CADM2: variants seen among roughly 807,000 people sequenced by gnomAD.
CADM2 encodes the protein cell adhesion molecule 2.
CADM2 carries 12 observed loss-of-function variants against 49.8 expected under a neutral mutation model. That is an observed-to-expected ratio of 0.24 (90% CI 0.15 to 0.39). The LOEUF (loss-of-function observed/expected upper bound fraction) is 0.39, where lower values mean the gene tolerates loss of function less well. Among genes scored for constraint, CADM2 ranks in the 10% least tolerant of loss-of-function variants. The pLI is 1.00. For synonymous variants in CADM2, 214 were observed against 175.4 expected, an observed-to-expected ratio of 1.22 and a Z score of -1.74; for missense variants, 378 against 492.3, an observed-to-expected ratio of 0.77 and a Z score of 2.20.
chr3:85,580,326 T>G (rs950291975), intron 1 of CADM2, among the ~76,000 whole-genome samples: 1 of 152,018 alleles, frequency 6.6e-6, no homozygotes, highest in African/African-American at 2.4e-5. Context: ...TTGTTCCATT[T>G]AAGAAAAAAA....
intron 1 of CADM2, among the ~76,000 whole-genome samples, chr3:85,206,441 G>A (rs2041637998): frequency 2.0e-5 from 3 of 151,536 alleles, no homozygotes; most frequent in South Asian, 4.2e-4. Flanking sequence ...CCGAGTAGCT[G>A]GGACTACAGG....
intron 1 of CADM2, among the ~76,000 whole-genome samples, chr3:85,128,231 T>G (rs146287426): frequency 7.2e-5 from 11 of 152,314 alleles, no homozygotes; most frequent in Non-Finnish European, 1.5e-4. Flanking sequence ...TAAGACGCTT[T>G]TTAAGAGTTC....
At chr3:85,341,527 A>C (rs902561783) in intron 1 of CADM2, among the ~76,000 whole-genome samples, 21 of 152,114 alleles carry the variant, frequency 1.4e-4, no homozygotes, top group African/African-American at 4.6e-4. Context: ...ACATATAGTT[A>C]AAATGAGTTA....
chr3:85,164,788 T>C (rs1206697239), intron 1 of CADM2, among the ~76,000 whole-genome samples: 2 of 152,084 alleles, frequency 1.3e-5, no homozygotes, highest in African/African-American at 4.8e-5. Context: ...ACATTATTAT[T>C]TTTGTAGAAG....
At position 85,060,244 on chromosome 3, in the gene CADM2, C is replaced by T. The variant is rs1319954283; in HGVS notation, c.61+100576C>T. Among the ~76,000 whole-genome samples the T allele has an allele frequency of 2.0e-5, 3 of 152,110 alleles. No homozygotes were observed. In the East Asian group the frequency reaches 5.8e-4, roughly 29 times the overall value. On this transcript the variant is annotated intron_variant, in intron 1 of 9. Coordinates refer to ENST00000383699, the MANE Select transcript of CADM2 (RefSeq NM_001167675.2). ...CTGCCAGGTTCAAGTGATTCTCCTG[C>T]CTAAGCCTCCTAAGTGGGATTACAG...
At chr3:85,767,597 T>C (rs1283496859) in intron 2 of CADM2, among the ~76,000 whole-genome samples, 1 of 152,180 alleles carries the variant, frequency 6.6e-6, no homozygotes, top group East Asian at 1.9e-4. Flanking sequence ...CAGTCTGCTG[T>C]GCAGTAGATG....
chr3:85,931,363 A>C (rs1248069525), intron 6 of CADM2, among the ~76,000 whole-genome samples: 1 of 152,134 alleles, frequency 6.6e-6, no homozygotes, highest in Non-Finnish European at 1.5e-5. Context: ...CGATCATGTG[A>C]GCCCAGGAGG....
intron 1 of CADM2, among the ~76,000 whole-genome samples, chr3:85,325,090 G>T (rs1383682383): frequency 6.6e-6 from 1 of 152,200 alleles, no homozygotes; most frequent in African/African-American, 2.4e-5. Context: ...TGTTCCACAT[G>T]AAATGGTAAA....
intron 1 of CADM2, among the ~76,000 whole-genome samples, chr3:85,656,207 T>G (rs980861728): frequency 1.3e-5 from 2 of 152,112 alleles, no homozygotes; most frequent in Admixed American, 1.3e-4. Context: ...TATCATAGTA[T>G]GAACATTTTT....
intron 1 of CADM2, among the ~76,000 whole-genome samples, chr3:85,091,946 T>A (rs902349410): frequency 2.6e-5 from 4 of 152,162 alleles, no homozygotes; most frequent in African/African-American, 7.2e-5. Flanking sequence ...GTTGTAGCAA[T>A]TGAATAAATG....
At chr3:85,876,361 T>C (rs1711837128) in intron 3 of CADM2, among the ~76,000 whole-genome samples, 1 of 152,166 alleles carries the variant, frequency 6.6e-6, no homozygotes, top group South Asian at 2.1e-4. Context: ...AGTTATAGAA[T>C]ATTATATGCT....
intron 1 of CADM2, among the ~76,000 whole-genome samples, chr3:85,538,994 T>C (rs542596999): frequency 2.7e-4 from 41 of 152,238 alleles, no homozygotes; most frequent in African/African-American, 9.1e-4. Flanking sequence ...GCCTTCTTAA[T>C]ACAACACTAA....
At chr3:85,913,260 G>A (rs905351689) in intron 6 of CADM2, among the ~76,000 whole-genome samples, 3 of 152,016 alleles carry the variant, frequency 2.0e-5, no homozygotes, top group African/African-American at 7.2e-5. Context: ...TACCTAGCAA[G>A]GTTTTAGTAG....
rs143509269 is a variant in CADM2, at chr3:85,660,051, T to A, written c.62-66471T>A. Among the ~76,000 whole-genome samples, 654 of 152,254 alleles carry A rather than the reference T, an allele frequency of 4.3e-3. 3 individuals carry two copies. Among genetic ancestry groups the A allele is most frequent in the African/African-American group, 0.015 (626 of 41,554 alleles). ...AAATTGTCAACTAGCTGACAGTGAA[T>A]GTTTGAGGTTTAGATACCTGCTCAT... On this transcript the variant is annotated intron_variant, in intron 1 of 9. Coordinates refer to ENST00000383699, the MANE Select transcript of CADM2 (RefSeq NM_001167675.2).
intron 1 of CADM2, among the ~76,000 whole-genome samples, chr3:85,185,517 T>A (rs1185514445): frequency 6.6e-6 from 1 of 152,154 alleles, no homozygotes; most frequent in East Asian, 1.9e-4. Flanking sequence ...ACATTATTTA[T>A]CATAGTATGA....
chr3:85,469,016 G>A (rs1325295066), intron 1 of CADM2, among the ~76,000 whole-genome samples: 3 of 152,114 alleles, frequency 2.0e-5, no homozygotes, highest in African/African-American at 7.2e-5. Context: ...TGCTATTCTA[G>A]CCTGCCTTAC....
At chr3:85,383,091 C>A (rs1285651238) in intron 1 of CADM2, among the ~76,000 whole-genome samples, 1 of 152,150 alleles carries the variant, frequency 6.6e-6, no homozygotes, top group Non-Finnish European at 1.5e-5. Context: ...GCTGACTGTT[C>A]AAACTGTGTT....
At chr3:85,395,972 T>C (rs1318028903) in intron 1 of CADM2, among the ~76,000 whole-genome samples, 2 of 148,720 alleles carry the variant, frequency 1.3e-5, no homozygotes, top group Non-Finnish European at 3.0e-5. Flanking sequence ...ATTATCATAA[T>C]GATAATTTAT....
intron 1 of CADM2, among the ~76,000 whole-genome samples, chr3:84,992,037 C>T (rs2032920970): frequency 6.6e-6 from 1 of 152,088 alleles, no homozygotes. Context: ...AATTTTAGGG[C>T]AGTGATACTA....
Sources: allele counts gnomAD v4.1 joint callset (sites outside exome capture counted in the v4.1 genomes callset), GRCh38; gene constraint gnomAD v4.1.1; transcripts MANE v1.5; gene names NCBI Gene and HGNC (gene_info 2026-07-23, HGNC 2026-07-21).